Variants in MAN1A2 observed in about 807,000 individuals in gnomAD.
The protein encoded by MAN1A2 is mannosyl-oligosaccharide 1,2-alpha-mannosidase IB.
MAN1A2 carries 26 observed loss-of-function variants against 75.7 expected under a neutral mutation model. The ratio of observed to expected loss-of-function variants is 0.34; its 90% CI spans 0.25 to 0.48. The LOEUF is 0.48. Among genes scored for constraint, MAN1A2 ranks in the 20% least tolerant of loss-of-function variants. The pLI is 0.99. For missense variants in MAN1A2, 562 were observed against 775.5 expected (o/e 0.72, Z 3.27); for synonymous variants, 247 against 264.6 (o/e 0.93, Z 0.65).
chr1:117,416,596 G>A (rs1388329423), intron 4 of MAN1A2, among the ~76,000 whole-genome samples: 1 of 152,122 alleles, frequency 6.6e-6, no homozygotes, highest in African/African-American at 2.4e-5. Flanking sequence ...TTTAACTAGA[G>A]GATTTAATGT....
At chr1:117,484,666 T>C (rs1314107147) in intron 8 of MAN1A2, among the ~76,000 whole-genome samples, 1 of 152,030 alleles carries the variant, frequency 6.6e-6, no homozygotes, top group East Asian at 1.9e-4. Context: ...AAGTATGTAC[T>C]GCAATAAATC....
At chr1:117,519,347 C>T (rs1045378381) in intron 12 of MAN1A2, among the ~76,000 whole-genome samples, 2 of 151,614 alleles carry the variant, frequency 1.3e-5, no homozygotes, top group Non-Finnish European at 2.9e-5. Flanking sequence ...CAGAGCAGAA[C>T]TAAATGAAAT....
chr1:117,432,421 G>A (rs1255893657), intron 5 of MAN1A2, among the ~76,000 whole-genome samples: 2 of 152,002 alleles, frequency 1.3e-5, no homozygotes, highest in African/African-American at 4.8e-5. Context: ...CCAATAGCAG[G>A]AGCAAATGGT....
chr1:117,458,497 C>CTATATATA (rs1257024902), intron 6 of MAN1A2, among the ~76,000 whole-genome samples: 6 of 103,784 alleles, frequency 5.8e-5, no homozygotes, highest in African/African-American at 1.6e-4. Flanking sequence ...ATATATATAT[C>CTATATATA]TATATATATA....
rs532904398 is a variant in MAN1A2, at chr1:117,525,732, G to GATTATTATT, written c.*2788_*2796dup. On this transcript the variant is annotated 3_prime_UTR_variant, in exon 13 of 13. Coordinates refer to ENST00000356554, the MANE Select transcript of MAN1A2 (RefSeq NM_006699.5). ...GAATCACACTTTTTATGTTAAACCA[G>GATTATTATT]ATTATTATTATTATTATTATTCAAC... The GATTATTATT allele has an allele frequency of 6.6e-6, 1 of 151,260 alleles. No homozygotes were observed. Among genetic ancestry groups the GATTATTATT allele is most frequent in the Non-Finnish European group, 1.5e-5 (1 of 67,672 alleles). The allele number at this position is 151,260 out of a possible 1,614,324, so 9.4% of individuals were successfully genotyped here. A position where few individuals can be genotyped will look rare whatever the true frequency, so the allele number is the denominator to read the frequency against.
chr1:117,369,913 C>T (rs2101710918), intron 1 of MAN1A2, among the ~76,000 whole-genome samples: 1 of 152,256 alleles, frequency 6.6e-6, no homozygotes, highest in Admixed American at 6.5e-5. Flanking sequence ...TGTTTCACAA[C>T]AGCCACACAT....
At chr1:117,458,498 T>A (rs796176385) in intron 6 of MAN1A2, among the ~76,000 whole-genome samples, 3 of 89,388 alleles carry the variant, frequency 3.4e-5, no homozygotes, top group Non-Finnish European at 6.2e-5. Flanking sequence ...TATATATATC[T>A]ATATATATAT....
At chr1:117,434,994 C>T (rs1051444821) in intron 5 of MAN1A2, among the ~76,000 whole-genome samples, 1 of 151,550 alleles carries the variant, frequency 6.6e-6, no homozygotes, top group African/African-American at 2.4e-5. Flanking sequence ...GTTTTTGGTG[C>T]TAGATTGATG....
At chr1:117,418,832 C>T (rs192450752) in intron 4 of MAN1A2, among the ~76,000 whole-genome samples, 33 of 151,880 alleles carry the variant, frequency 2.2e-4, no homozygotes, top group Admixed American at 2.1e-3. Flanking sequence ...ATTTGATTAC[C>T]GTGTGATTAT....
In MAN1A2 at chr1:117,417,785, T is replaced by G. The variant is rs373384791; in HGVS notation, c.775-2784T>G. Among the ~76,000 whole-genome samples, 3 of 151,292 alleles carry G rather than the reference T, an allele frequency of 2.0e-5. No homozygotes were observed. The East Asian group carries it at 5.8e-4, about 29-fold the overall frequency. On this transcript the variant is annotated intron_variant, in intron 4 of 12. Coordinates refer to ENST00000356554, the MANE Select transcript of MAN1A2 (RefSeq NM_006699.5). ...TATAAACTTTAAGGATAACCCTAAG[T>G]AGGCAGTTTGAAATTAATCAATTTC...
At chr1:117,512,887 A>T (rs1444240938) in intron 12 of MAN1A2, among the ~76,000 whole-genome samples, 2 of 152,136 alleles carry the variant, frequency 1.3e-5, no homozygotes, top group African/African-American at 4.8e-5. Flanking sequence ...TTCTTTTGCT[A>T]CAGTAGAGGG....
At chr1:117,381,186 C>T (rs976167155) in intron 1 of MAN1A2, among the ~76,000 whole-genome samples, 4 of 151,758 alleles carry the variant, frequency 2.6e-5, no homozygotes, top group African/African-American at 9.7e-5. Flanking sequence ...AGAAGCGCAA[C>T]TAATTTTTTT....
At chr1:117,520,169 T>C (rs1266077399) in intron 12 of MAN1A2, among the ~76,000 whole-genome samples, 3 of 152,002 alleles carry the variant, frequency 2.0e-5, no homozygotes, top group Admixed American at 6.6e-5. Flanking sequence ...ACAAGGGACA[T>C]ACCTCAATGT....
At chr1:117,421,018 A>C (rs1648168908) in intron 5 of MAN1A2, among the ~76,000 whole-genome samples, 1 of 152,086 alleles carries the variant, frequency 6.6e-6, no homozygotes, top group Non-Finnish European at 1.5e-5. Context: ...CCTAAGACCA[A>C]AAATTAGTAA....
rs1019105125 is a variant in MAN1A2 at position 117,508,871 on chromosome 1, CTTTTTG to C, written c.1793+5909_1793+5914del. ...GAAGTTATTTTAGTTTTTAAAAATA[CTTTTTG>C]TTTTTGTCTCTGTAAATATTTAAAA... On this transcript the variant is annotated intron_variant, in intron 12 of 12. Transcript: ENST00000356554. Among the ~76,000 whole-genome samples, 41 of 151,572 alleles carry C rather than the reference CTTTTTG, an allele frequency of 2.7e-4. 1 individual carries two copies. The highest frequency in any genetic ancestry group is 8.2e-4 in the African/African-American group (34 of 41,428).
In MAN1A2 at chr1:117,368,422, C is replaced by G. The variant is rs1570685717; in HGVS notation, c.239C>G (p.Ala80Gly). 2 of 1,613,960 alleles carry G rather than the reference C, an allele frequency of 1.2e-6. No homozygotes were observed. The highest frequency in any genetic ancestry group is 1.7e-6 in the Non-Finnish European group (2 of 1,179,970). Residue 80 changes from alanine to glycine, a missense_variant, in exon 1 of 13, where the codon GCC (alanine) becomes GGC (glycine). Coordinates refer to ENST00000356554, the MANE Select transcript of MAN1A2 (RefSeq NM_006699.5). ...GATGTGTTAATTCCACATGTAGATGCCGGTAAAGGGGCTAAAAACCCCGGA... is the reference window on the plus strand; with the variant it reads ...GATGTGTTAATTCCACATGTAGATGGCGGTAAAGGGGCTAAAAACCCCGGA... ...LEDVLIPHVD[A>G]GKGAKNPGVF...
chr1:117,430,648 T>G (rs1250377820), intron 5 of MAN1A2, among the ~76,000 whole-genome samples: 6 of 62,068 alleles, frequency 9.7e-5, no homozygotes, highest in Non-Finnish European at 1.3e-4. Flanking sequence ...TTCCTAGATG[T>G]GATGGCGGCT....
chr1:117,448,859 C>CT (rs1367067400), intron 6 of MAN1A2, among the ~76,000 whole-genome samples: 4 of 152,020 alleles, frequency 2.6e-5, no homozygotes, highest in Non-Finnish European at 4.4e-5. Flanking sequence ...TGCAGATATT[C>CT]TTTTTTTCCT....
At chr1:117,443,542 G>A (rs1002011239) in intron 6 of MAN1A2, among the ~76,000 whole-genome samples, 2 of 152,132 alleles carry the variant, frequency 1.3e-5, no homozygotes, top group African/African-American at 4.8e-5. Context: ...CCGATAGGAA[G>A]ACAGACTGGA....
Sources: allele counts gnomAD v4.1 joint callset (sites outside exome capture counted in the v4.1 genomes callset), GRCh38; gene constraint gnomAD v4.1.1; transcripts MANE v1.5; gene names NCBI Gene and HGNC (gene_info 2026-07-23, HGNC 2026-07-21).